Variants in ENTPD1 observed in about 807,000 individuals in gnomAD.
ENTPD1 encodes the protein ectonucleoside triphosphate diphosphohydrolase 1.
Under a neutral mutation model 57.0 loss-of-function variants are expected in ENTPD1, and 33 were observed. The ratio of observed to expected loss-of-function variants is 0.58; its 90% CI spans 0.44 to 0.77. The LOEUF is 0.77. ENTPD1 is among the 30% of genes least tolerant of loss of function. The pLI, the probability that ENTPD1 is intolerant of heterozygous loss-of-function variation, is 0.00. For synonymous variants in ENTPD1, 202 were observed against 218.8 expected (o/e 0.92, Z 0.68); for missense variants, 501 against 603.4 (o/e 0.83, Z 1.78).
intron 1 of ENTPD1, among the ~76,000 whole-genome samples, chr10:95,737,123 A>T (rs994415257): frequency 6.6e-6 from 1 of 152,208 alleles, no homozygotes; most frequent in Non-Finnish European, 1.5e-5. Context: ...TCCTCTCAAC[A>T]AGTATTTACT....
At chr10:95,755,880 GGA>G (rs1566107013), upstream of ENTPD1, 5 of 1,518,210 alleles carry the variant, frequency 3.3e-6, no homozygotes, top group Non-Finnish European at 3.5e-6. Flanking sequence ...ACGAAGAGAG[GGA>G]GAGAGAGATG....
At chr10:95,808,344 A>G (rs2098281653) in intron 1 of ENTPD1, among the ~76,000 whole-genome samples, 1 of 152,182 alleles carries the variant, frequency 6.6e-6, no homozygotes, top group East Asian at 1.9e-4. Context: ...GGATATTTGC[A>G]TCCATGTTTA....
At chr10:95,846,250 A>C (rs531312029) in intron 6 of ENTPD1, 25 of 153,638 alleles carry the variant, frequency 1.6e-4, no homozygotes, top group African/African-American at 4.6e-4. Flanking sequence ...ATGGTGGCAC[A>C]TACCTGTAAT....
the ENTPD1 span, among the ~76,000 whole-genome samples, chr10:95,699,959 A>G: frequency 6.6e-6 from 1 of 152,210 alleles, no homozygotes; most frequent in East Asian, 1.9e-4. Flanking sequence ...AAGAGAGAAG[A>G]TAAAAGGTAA....
intron 2 of ENTPD1, among the ~76,000 whole-genome samples, chr10:95,836,700 G>A (rs544318576): frequency 1.3e-5 from 2 of 152,336 alleles, no homozygotes; most frequent in South Asian, 4.1e-4. Context: ...AGGAGGCAGA[G>A]AGAACATGAA....
At chr10:95,799,399 G>A (rs1283950517) in intron 1 of ENTPD1, among the ~76,000 whole-genome samples, 1 of 152,086 alleles carries the variant, frequency 6.6e-6, no homozygotes, top group African/African-American at 2.4e-5. Flanking sequence ...TGTGGCATTT[G>A]GTTTTTTGTT....
At chr10:95,864,005 C>G (rs1019070587) in intron 8 of ENTPD1, among the ~76,000 whole-genome samples, 8 of 151,978 alleles carry the variant, frequency 5.3e-5, no homozygotes, top group South Asian at 4.1e-4. Context: ...TAGGTAAGGG[C>G]AAGGGATGGC....
intron 1 of ENTPD1, among the ~76,000 whole-genome samples, chr10:95,744,154 C>T (rs1309297101): frequency 1.3e-5 from 2 of 151,676 alleles, no homozygotes; most frequent in Non-Finnish European, 2.9e-5. Flanking sequence ...GCCATTTCCC[C>T]TTACTTGTCT....
At chr10:95,751,064 T>C (rs1445516739), upstream of ENTPD1, among the ~76,000 whole-genome samples, 2 of 152,092 alleles carry the variant, frequency 1.3e-5, no homozygotes, top group Non-Finnish European at 2.9e-5. Context: ...ATAAGGATTA[T>C]GGGTCCTGGA....
chr10:95,807,275 T>C (rs1228196319), intron 1 of ENTPD1, among the ~76,000 whole-genome samples: 13 of 152,238 alleles, frequency 8.5e-5, no homozygotes. Context: ...ACTGCTGCAC[T>C]TTCAGTGAAC....
chr10:95,827,186 G>T (rs1181208854), intron 2 of ENTPD1, among the ~76,000 whole-genome samples: 1 of 152,124 alleles, frequency 6.6e-6, no homozygotes, highest in Non-Finnish European at 1.5e-5. Context: ...GGGCGCGGTG[G>T]CTCACACTTG....
At chr10:95,737,482 T>C (rs1263307751) in intron 1 of ENTPD1, among the ~76,000 whole-genome samples, 1 of 152,056 alleles carries the variant, frequency 6.6e-6, no homozygotes, top group Non-Finnish European at 1.5e-5. Flanking sequence ...CTTCCTGGGT[T>C]TGAGCAATTA....
chr10:95,802,214 T>C (rs2140344407), intron 1 of ENTPD1, among the ~76,000 whole-genome samples: 1 of 152,248 alleles, frequency 6.6e-6, no homozygotes, highest in South Asian at 2.1e-4. Context: ...ATAGGTAAAT[T>C]TAAATGTTTT....
At chr10:95,699,027 A>G in the ENTPD1 span, among the ~76,000 whole-genome samples, 1 of 152,188 alleles carries the variant, frequency 6.6e-6, no homozygotes, top group African/African-American at 2.4e-5. Context: ...ATCAAAACCC[A>G]AGGCCGAGTA....
At chr10:95,758,749 A>G (rs1041400793) in intron 1 of ENTPD1, among the ~76,000 whole-genome samples, 1 of 152,240 alleles carries the variant, frequency 6.6e-6, no homozygotes, top group African/African-American at 2.4e-5. Flanking sequence ...ATAGGGGTAC[A>G]GGAGGTAGCC....
intron 1 of ENTPD1, among the ~76,000 whole-genome samples, chr10:95,718,467 G>A (rs558796938): frequency 6.6e-6 from 1 of 152,116 alleles, no homozygotes; most frequent in East Asian, 1.9e-4. Flanking sequence ...CCCCAGCAGT[G>A]TAAGACTGCC....
chr10:95,751,755 G>C (rs1421887074), upstream of ENTPD1, among the ~76,000 whole-genome samples: 2 of 152,078 alleles, frequency 1.3e-5, no homozygotes, highest in African/African-American at 4.8e-5. Flanking sequence ...TACTGGATGG[G>C]AGCAGATTTG....
chr10:95,852,599 A>G (rs1417118340), intron 7 of ENTPD1, among the ~76,000 whole-genome samples: 1 of 152,126 alleles, frequency 6.6e-6, no homozygotes, highest in Non-Finnish European at 1.5e-5. Context: ...TCTTGAATTA[A>G]TTTTTGTCTA....
At chr10:95,780,302 G>C (rs927461448) in intron 1 of ENTPD1, among the ~76,000 whole-genome samples, 5 of 152,098 alleles carry the variant, frequency 3.3e-5, no homozygotes, top group South Asian at 2.1e-4. Context: ...CTTTAAGTAA[G>C]AATAAATATG....
Sources: allele counts gnomAD v4.1 joint callset (sites outside exome capture counted in the v4.1 genomes callset), GRCh38; gene constraint gnomAD v4.1.1; transcripts MANE v1.5; gene names NCBI Gene and HGNC (gene_info 2026-07-23, HGNC 2026-07-21).